Variants in TRIM44 observed in about 807,000 individuals in gnomAD.
TRIM44 encodes the protein tripartite motif containing 44.
A neutral mutation model predicts 37.4 loss-of-function variants in TRIM44; 13 were observed. That is an observed-to-expected ratio of 0.35 (90% confidence interval 0.23 to 0.55). The LOEUF is 0.55. Ranked by LOEUF, TRIM44 falls within the 20% of genes least tolerant of loss-of-function variation. The pLI is 0.89. For missense variants in TRIM44, 426 were observed against 437.2 expected, an observed-to-expected ratio of 0.97 and a Z score of 0.23; for synonymous variants, 175 against 157.2, an observed-to-expected ratio of 1.11 and a Z score of -0.85.
intron 4 of TRIM44, among the ~76,000 whole-genome samples, chr11:35,743,347 C>T (rs964345271): frequency 1.3e-5 from 2 of 152,164 alleles, no homozygotes; most frequent in African/African-American, 4.8e-5. Flanking sequence ...AGCATTGCCC[C>T]CTTATAGAAG....
In TRIM44 at chr11:35,810,199, A is replaced by G. The variant is rs1853511581; in HGVS notation, c.*3814A>G. The G allele has an allele frequency of 6.6e-6, 1 of 152,168 alleles. No individual in the cohort carries two copies. Among genetic ancestry groups the G allele is most frequent in the African/African-American group, 2.4e-5 (1 of 41,430 alleles). The allele number at this position is 152,168 out of a possible 1,614,324, so 9.4% of individuals were successfully genotyped here. ...TACTCCAGTTAGACCTAAGGGCACAAATGCAGAATTCATGACCTTGTAGTT... is the reference window on the plus strand; with the variant it reads ...TACTCCAGTTAGACCTAAGGGCACAGATGCAGAATTCATGACCTTGTAGTT... On this transcript the variant is annotated 3_prime_UTR_variant, in exon 5 of 5. Transcript: ENST00000299413.
At chr11:35,693,980 C>A (rs1851666695) in intron 2 of TRIM44, among the ~76,000 whole-genome samples, 1 of 152,098 alleles carries the variant, frequency 6.6e-6, no homozygotes, top group African/African-American at 2.4e-5. Flanking sequence ...AACCAAACCA[C>A]CTAAAATCAA....
chr11:35,683,267 A>G (rs1260096755), intron 1 of TRIM44, among the ~76,000 whole-genome samples: 1 of 152,166 alleles, frequency 6.6e-6, no homozygotes, highest in Non-Finnish European at 1.5e-5. Context: ...CCATCATTTT[A>G]AAAAATAGAA....
intron 3 of TRIM44, among the ~76,000 whole-genome samples, chr11:35,734,817 A>G (rs1852309109): frequency 6.6e-6 from 1 of 152,224 alleles, no homozygotes; most frequent in Admixed American, 6.5e-5. Flanking sequence ...AATGATGTGG[A>G]TCATCAAATG....
Position 35,811,702 on chromosome 11 carries a change from A to T in TRIM44, c.*5317A>T, listed in dbSNP as rs993442979. On this transcript the variant is annotated 3_prime_UTR_variant, in exon 5 of 5. Coordinates refer to ENST00000299413, the MANE Select transcript of TRIM44 (RefSeq NM_017583.6). Reference sequence around the variant, plus strand: ...CCAAGCCCTGCCTAAATGCATTAAAATTTAATGTTTAAAAATCCTAAAACC... The same window carrying T: ...CCAAGCCCTGCCTAAATGCATTAAATTTTAATGTTTAAAAATCCTAAAACC... The T allele has an allele frequency of 3.3e-5, 5 of 152,194 alleles. No individual in the cohort carries two copies. The highest frequency in any genetic ancestry group is 7.2e-5 in the African/African-American group (3 of 41,462). The allele number at this position is 152,194 out of a possible 1,614,324, so 9.4% of individuals were successfully genotyped here.
At chr11:35,718,351 T>C (rs540787783) in intron 2 of TRIM44, among the ~76,000 whole-genome samples, 1 of 152,286 alleles carries the variant, frequency 6.6e-6, no homozygotes, top group African/African-American at 2.4e-5. Flanking sequence ...TTGTATTAGG[T>C]TGGTGTAAAA....
chr11:35,663,795 T>C lies in TRIM44; in HGVS notation c.669+15T>C. ...AAGAATTAAGAGTAAGTATTGGGCC[T>C]TCAGAGCATAAACCTAGGGGTCAGG... On this transcript the variant is annotated intron_variant, in intron 1 of 4. Coordinates refer to ENST00000299413, the MANE Select transcript of TRIM44 (RefSeq NM_017583.6). The C allele has an allele frequency of 6.2e-7, 1 of 1,606,548 alleles. No individual in the cohort carries two copies. Among genetic ancestry groups the C allele is most frequent in the Non-Finnish European group, 8.5e-7 (1 of 1,176,714 alleles).
chr11:35,685,346 G>T lies in TRIM44; in HGVS notation c.747+10G>T. ...GAGCTCAGACCCTAAAGTAAGTATTGTTTGGAATTGATTGGGTGTTGGTAC... is the reference window on the plus strand; with the variant it reads ...GAGCTCAGACCCTAAAGTAAGTATTTTTTGGAATTGATTGGGTGTTGGTAC... On this transcript the variant is annotated intron_variant, in intron 2 of 4. Transcript: ENST00000299413. 3.1e-6 allele frequency: 5 copies of T among 1,613,170 alleles called. No individual in the cohort carries two copies. The highest frequency in any genetic ancestry group is 4.2e-6 in the Non-Finnish European group (5 of 1,179,256).
intron 4 of TRIM44, among the ~76,000 whole-genome samples, chr11:35,792,072 T>TACACAACACACAC (rs147613844): frequency 1.5e-4 from 20 of 136,832 alleles, no homozygotes; most frequent in East Asian, 6.6e-4. Flanking sequence ...GAGTTGCCCC[T>TACACAACACACAC]ACACACACAC....
rs57127722 is a variant in TRIM44, at chr11:35,792,072, TACACACACACACACACAC to T, written c.1008-14263_1008-14246del. ...CCATCCCTTCCTGAGGAGTTGCCCCTACACACACACACACACACACACACACACACACACACACACTCT... is the reference window on the plus strand; with the variant it reads ...CCATCCCTTCCTGAGGAGTTGCCCCTACACACACACACACACACACACTCT... On this transcript the variant is annotated intron_variant, in intron 4 of 4. Coordinates refer to ENST00000299413, the MANE Select transcript of TRIM44 (RefSeq NM_017583.6). Among the ~76,000 whole-genome samples the T allele has an allele frequency of 5.3e-4, 72 of 136,834 alleles. No homozygotes were observed. The Middle Eastern group carries it at 0.011, about 21-fold the overall frequency. 89.8% of individuals were successfully genotyped at this position (136,834 alleles called of 152,430 possible).
chr11:35,752,248 C>G (rs1461172339), intron 4 of TRIM44, among the ~76,000 whole-genome samples: 2 of 152,064 alleles, frequency 1.3e-5, no homozygotes, highest in African/African-American at 4.8e-5. Context: ...CCACCTCTAC[C>G]TCACCGTCCT....
At chr11:35,678,455 G>A (rs1291495530) in intron 1 of TRIM44, among the ~76,000 whole-genome samples, 1 of 152,158 alleles carries the variant, frequency 6.6e-6, no homozygotes, top group Non-Finnish European at 1.5e-5. Context: ...TGGGTTTGGA[G>A]TTAGAAAATG....
At chr11:35,731,954 G>A (rs573255398) in intron 3 of TRIM44, among the ~76,000 whole-genome samples, 7 of 151,972 alleles carry the variant, frequency 4.6e-5, no homozygotes, top group South Asian at 2.1e-4. Flanking sequence ...CCCATTTTGC[G>A]CCATTTATAA....
intron 4 of TRIM44, among the ~76,000 whole-genome samples, chr11:35,744,600 G>GA (rs1852462584): frequency 6.6e-6 from 1 of 151,804 alleles, no homozygotes; most frequent in South Asian, 2.1e-4. Flanking sequence ...ACATGTGCAG[G>GA]ACGTGCAGGT....
chr11:35,799,319 A>G (rs1422131432), intron 4 of TRIM44, among the ~76,000 whole-genome samples: 3 of 152,208 alleles, frequency 2.0e-5, no homozygotes, highest in Non-Finnish European at 4.4e-5. Flanking sequence ...CTGTGGTCAG[A>G]GTGTGGGCCT....
intron 1 of TRIM44, among the ~76,000 whole-genome samples, chr11:35,681,143 G>T (rs60686441): frequency 6.6e-6 from 1 of 152,306 alleles, no homozygotes; most frequent in African/African-American, 2.4e-5. Context: ...TTGTGAAGGA[G>T]AATACACTAC....
rs1336768250 is a variant in TRIM44, at chr11:35,706,217, A to G, written c.748-19707A>G. 2.7e-5 allele frequency among the ~76,000 whole-genome samples: 4 copies of G among 149,330 alleles called. 1 individual carries two copies. Among genetic ancestry groups the G allele is most frequent in the Non-Finnish European group, 4.5e-5 (3 of 66,354 alleles). On this transcript the variant is annotated intron_variant, in intron 2 of 4. Transcript: ENST00000299413. ...CCCTCCCAAGACTAAACCAGGAAGA[A>G]GTTGAATCTCTGAATAGACCAATAA...
At chr11:35,771,175 T>C (rs150600444) in intron 4 of TRIM44, among the ~76,000 whole-genome samples, 1,675 of 152,268 alleles carry the variant, frequency 0.011, 33 homozygotes, top group African/African-American at 0.038. Flanking sequence ...AGTTGTTGAA[T>C]GGCTTTGACA....
rs11825920 is a variant in TRIM44, at chr11:35,697,570, A to G, written c.747+12234A>G. ...TGCACCCATTAACTGGTCATTTAGCATTAGGTATATCTCCTAATGCTATCC... is the reference window on the plus strand; with the variant it reads ...TGCACCCATTAACTGGTCATTTAGCGTTAGGTATATCTCCTAATGCTATCC... On this transcript the variant is annotated intron_variant, in intron 2 of 4. Transcript: ENST00000299413. 1.9e-3 allele frequency among the ~76,000 whole-genome samples: 281 copies of G among 151,428 alleles called. 2 individuals carry two copies. The highest frequency in any genetic ancestry group is 6.5e-3 in the African/African-American group (269 of 41,240).
Sources: gnomAD v4.1 joint callset for allele counts (sites outside exome capture counted in the v4.1 genomes callset) on GRCh38, gnomAD v4.1.1 for gene constraint, MANE v1.5 for transcripts, NCBI Gene and HGNC (gene_info 2026-07-23, HGNC 2026-07-21) for gene names.